SHC3: variants seen among roughly 807,000 people sequenced by gnomAD.
SHC3 encodes the protein SHC-transforming protein 3.
Under a neutral mutation model 60.4 loss-of-function variants are expected in SHC3, and 15 were observed. That is an observed-to-expected ratio of 0.25 (90% confidence interval 0.17 to 0.38). The LOEUF (loss-of-function observed/expected upper bound fraction) is 0.38, where lower values mean the gene tolerates loss of function less well. Ranked by LOEUF, SHC3 falls within the 10% of genes least tolerant of loss-of-function variation. SHC3 has a pLI of 1.00. For missense variants in SHC3, 677 were observed against 786.1 expected (o/e 0.86, Z 1.66); for synonymous variants, 294 against 325.9 (o/e 0.90, Z 1.05).
intron 3 of SHC3, 64 bp from the exon 4 acceptor site, chr9:89,075,292 T>A: frequency 6.3e-7 from 1 of 1,586,164 alleles, no homozygotes; most frequent in Non-Finnish European, 8.6e-7. Flanking sequence ...GGGATGTGGA[T>A]GCCTGCCATA....
In SHC3 at chr9:89,018,695, C is replaced by CT. The variant is rs745625210; in HGVS notation, c.1657-5121dup. 7.8e-3 allele frequency among the ~76,000 whole-genome samples: 1,060 copies of CT among 135,292 alleles called. 11 individuals carry two copies. Among genetic ancestry groups the CT allele is most frequent in the African/African-American group, 0.018 (657 of 36,510 alleles). 88.8% of individuals were successfully genotyped at this position (135,292 alleles called of 152,430 possible). A position where few individuals can be genotyped will look rare whatever the true frequency, so the allele number is the denominator to read the frequency against. On this transcript the variant is annotated intron_variant, in intron 11 of 11. Transcript: ENST00000375835. ...GTAGTTTTTTTTTCTTTCTTTCTTT[C>CT]TTTCTTTTTTTTTTTTAAAGAAAAC...
chr9:89,106,148 G>T (rs1324583131), intron 2 of SHC3, among the ~76,000 whole-genome samples: 2 of 152,148 alleles, frequency 1.3e-5, no homozygotes, highest in East Asian at 3.9e-4. Flanking sequence ...TGGAATGAGT[G>T]TCTCTGCTGA....
intron 2 of SHC3, among the ~76,000 whole-genome samples, chr9:89,100,202 T>C (rs1225152764): frequency 6.6e-6 from 1 of 152,172 alleles, no homozygotes; most frequent in Non-Finnish European, 1.5e-5. Context: ...TTTTTTCATA[T>C]TTTAACATTT....
In SHC3 at chr9:89,005,851, TTCTC is replaced by T. The variant is rs1265267709; in HGVS notation, c.*7592_*7595del. The stretch of plus-strand genomic sequence containing the variant: ...AATTAACTGTTTAGAAAATGGTTGT[TTCTC>T]TCAACCCTTGAGCCAGTTATTCCAC... On this transcript the variant is annotated 3_prime_UTR_variant, in exon 12 of 12. Transcript: ENST00000375835. The T allele has an allele frequency of 6.6e-6, 1 of 152,242 alleles. No homozygotes were observed. The highest frequency in any genetic ancestry group is 6.5e-5 in the Admixed American group (1 of 15,278). 9.4% of individuals were successfully genotyped at this position (152,242 alleles called of 1,614,324 possible).
At chr9:89,078,376 G>C (rs541699216) in intron 2 of SHC3, among the ~76,000 whole-genome samples, 7 of 152,186 alleles carry the variant, frequency 4.6e-5, no homozygotes, top group Non-Finnish European at 1.0e-4. Context: ...GTCATCCCGA[G>C]TTTTATTCCC....
intron 1 of SHC3, among the ~76,000 whole-genome samples, chr9:89,145,227 T>C (rs1165230417): frequency 2.0e-5 from 3 of 152,174 alleles, no homozygotes; most frequent in Admixed American, 6.5e-5. Context: ...TAGGACTGAA[T>C]AGGAAATTCA....
chr9:89,023,867 T>C (rs921180002), intron 11 of SHC3, among the ~76,000 whole-genome samples: 3 of 152,242 alleles, frequency 2.0e-5, no homozygotes, highest in African/African-American at 7.2e-5. Flanking sequence ...CCTAGACCTG[T>C]GGTTCCCAAC....
intron 2 of SHC3, chr9:89,109,686 A>G (rs1825917949): frequency 1.0e-6 from 1 of 985,268 alleles, no homozygotes; most frequent in Non-Finnish European, 1.2e-6. Flanking sequence ...TGAGGAGACC[A>G]CCCCCATGCA....
chr9:89,133,855 A>G (rs571840742), intron 1 of SHC3, among the ~76,000 whole-genome samples: 1 of 152,306 alleles, frequency 6.6e-6, no homozygotes, highest in Admixed American at 6.5e-5. Flanking sequence ...GCACATGTAT[A>G]CATATGTAAC....
At chr9:89,148,905 T>G (rs1031761871) in intron 1 of SHC3, among the ~76,000 whole-genome samples, 15 of 152,252 alleles carry the variant, frequency 9.9e-5, no homozygotes, top group African/African-American at 3.6e-4. Context: ...AAAACTTGCA[T>G]GTATTTCTGC....
At position 89,036,908 on chromosome 9, in the gene SHC3, C is replaced by G. The variant is rs535172793; in HGVS notation, c.1656+1085G>C. Among the ~76,000 whole-genome samples the G allele has an allele frequency of 1.4e-4, 20 of 143,980 alleles. No homozygotes were observed. In the South Asian group the frequency reaches 4.4e-3, roughly 31 times the overall value. The allele number at this position is 143,980 out of a possible 152,430, so 94.5% of individuals were successfully genotyped here. ...GTCGCCACCATGCCTGGCTAATTTG[C>G]AAATTTCTAAAAGGCACAAACACAA... On this transcript the variant is annotated intron_variant, in intron 11 of 11. Transcript: ENST00000375835.
intron 1 of SHC3, among the ~76,000 whole-genome samples, chr9:89,176,765 G>T (rs1215867647): frequency 2.0e-5 from 3 of 152,174 alleles, no homozygotes; most frequent in African/African-American, 2.4e-5. Context: ...AGACTGAAAA[G>T]GTGAAGAAGC....
chr9:89,093,516 A>T (rs1445466135), intron 2 of SHC3, among the ~76,000 whole-genome samples: 2 of 146,810 alleles, frequency 1.4e-5, no homozygotes, highest in Non-Finnish European at 3.1e-5. Flanking sequence ...CAAAATATGC[A>T]AAAAGCTCCC....
Position 89,178,558 on chromosome 9 carries a change from G to T in SHC3, c.-98C>A. The T allele has an allele frequency of 8.0e-7, 1 of 1,244,572 alleles. No individual in the cohort carries two copies. Among genetic ancestry groups the T allele is most frequent in the Non-Finnish European group, 1.1e-6 (1 of 937,854 alleles). The allele number at this position is 1,244,572 out of a possible 1,614,324, so 77.1% of individuals were successfully genotyped here. A position where few individuals can be genotyped will look rare whatever the true frequency, so the allele number is the denominator to read the frequency against. The stretch of plus-strand genomic sequence containing the variant: ...CAGGCGAGCCACTGTCCCCGGAGCG[G>T]GACGGAGAGTGGGGGCCCCGGGACA... On this transcript the variant is annotated 5_prime_UTR_variant, in exon 1 of 12. Coordinates refer to ENST00000375835, the MANE Select transcript of SHC3 (RefSeq NM_016848.6). The surrounding 1 kb of genome is among the most constrained non-coding windows in gnomAD (Gnocchi z 6.9).
At chr9:89,175,885 CATGGGCA>C (rs1826935623) in intron 1 of SHC3, among the ~76,000 whole-genome samples, 1 of 152,166 alleles carries the variant, frequency 6.6e-6, no homozygotes, top group Non-Finnish European at 1.5e-5. Context: ...TTAAACTCAA[CATGGGCA>C]ATGCGGGAAT....
chr9:89,034,901 G>A (rs1466042826), intron 11 of SHC3, among the ~76,000 whole-genome samples: 1 of 152,166 alleles, frequency 6.6e-6, no homozygotes, highest in Non-Finnish European at 1.5e-5. Context: ...ATGTCCTTGG[G>A]AATGTGTCTA....
At position 89,050,899 on chromosome 9, in the gene SHC3, C is replaced by T. The variant is rs114477372; in HGVS notation, c.962+1138G>A. On this transcript the variant is annotated intron_variant, in intron 7 of 11. Transcript: ENST00000375835. ...TGTCCCAGCTTGCTGAAGTTTCTTT[C>T]GTTCTTTTTTTTTTTTTAATATGAT... Among the ~76,000 whole-genome samples, 1,072 of 140,172 alleles carry T rather than the reference C, an allele frequency of 7.6e-3. 13 individuals are homozygous for T. Among genetic ancestry groups the T allele is most frequent in the African/African-American group, 0.03 (1,017 of 34,054 alleles). 92.0% of individuals were successfully genotyped at this position (140,172 alleles called of 152,430 possible).
At chr9:89,037,449 A>G in intron 11 of SHC3, 1 of 688,424 alleles carries the variant, frequency 1.5e-6, no homozygotes, top group Non-Finnish European at 2.7e-6. Flanking sequence ...GGAAGATGAA[A>G]AATTCAGCCA....
At chr9:89,164,213 G>A (rs569675339) in intron 1 of SHC3, among the ~76,000 whole-genome samples, 68 of 152,242 alleles carry the variant, frequency 4.5e-4, no homozygotes, top group Non-Finnish European at 6.9e-4. Context: ...CAGGGGCTCC[G>A]GCATTGGGCA....
Sources: allele counts gnomAD v4.1 joint callset (sites outside exome capture counted in the v4.1 genomes callset), GRCh38; gene constraint gnomAD v4.1.1; non-coding constraint Gnocchi (gnomAD v3.1); transcripts MANE v1.5; gene names NCBI Gene and HGNC (gene_info 2026-07-23, HGNC 2026-07-21).